The following CLEC1A variants were observed in gnomAD, a reference collection of about 807,000 sequenced individuals.
CLEC1A encodes C-type lectin-like receptor-1.
Under a neutral mutation model 28.7 loss-of-function variants are expected in CLEC1A, and 34 were observed. The observed-to-expected ratio is 1.18, with a 90% CI of 0.90 to 1.57. CLEC1A has a LOEUF of 1.57. Ranked by LOEUF, CLEC1A falls within the 40% of genes most tolerant of loss-of-function variation. The probability of loss-of-function intolerance (pLI) is 0.00; values close to 1 mark genes in which losing one functional copy is unlikely to be tolerated. For synonymous variants in CLEC1A, 116 were observed against 121.0 expected (o/e 0.96, Z 0.27); for missense variants, 385 against 339.5 (o/e 1.13, Z -1.05).
chr12:10,080,697 C>T (rs1866349411), intron 3 of CLEC1A, among the ~76,000 whole-genome samples: 1 of 152,212 alleles, frequency 6.6e-6, no homozygotes, highest in African/African-American at 2.4e-5. Flanking sequence ...TGCTCCTAGA[C>T]TTCTCCAGCA....
Position 10,098,855 on chromosome 12 carries a change from T to A in CLEC1A, c.68A>T (p.His23Leu). Reference protein sequence around the residue: ...DDDGDTTMSLHSQGSATTRHP... With the variant: ...DDDGDTTMSLLSQGSATTRHP... Reference sequence around the variant, plus strand: ...CCGAGTTGTGGCAGAGCCTTGAGAATGCAGGCTCATGGTGGTGTCCCCATC... The same window carrying A: ...CCGAGTTGTGGCAGAGCCTTGAGAAAGCAGGCTCATGGTGGTGTCCCCATC... Residue 23 changes from histidine (H) to leucine (L), a missense_variant, in exon 1 of 6, where the codon CAT becomes CTT. Transcript: ENST00000315330. The A allele has an allele frequency of 6.2e-7, 1 of 1,613,602 alleles. No individual in the cohort carries two copies. The highest frequency in any genetic ancestry group is 1.1e-5 in the South Asian group (1 of 90,918).
chr12:10,093,897 C>T (rs890067587), intron 1 of CLEC1A, among the ~76,000 whole-genome samples: 27 of 152,054 alleles, frequency 1.8e-4, no homozygotes, highest in Middle Eastern at 3.2e-3. Context: ...TCTGAGTTCA[C>T]GGGTTGAGTC....
At chr12:10,089,033 A>C (rs767037519) in intron 2 of CLEC1A, 91 bp downstream of exon 2, 11 of 971,048 alleles carry the variant, frequency 1.1e-5, no homozygotes, top group Non-Finnish European at 1.6e-5. Context: ...CTAAGGAATT[A>C]AAGTTTAAAA....
chr12:10,071,559 A>G, intron 5 of CLEC1A, 46 bp from the exon 6 acceptor site: 1 of 1,430,740 alleles, frequency 7.0e-7, no homozygotes, highest in Non-Finnish European at 9.5e-7. Context: ...TTTATTTCTA[A>G]AATAAAATAT....
chr12:10,092,737 T>C (rs1245707010), intron 1 of CLEC1A, among the ~76,000 whole-genome samples: 1 of 152,090 alleles, frequency 6.6e-6, no homozygotes, highest in Non-Finnish European at 1.5e-5. Context: ...AATAATTATA[T>C]TCATGAAAAG....
At chr12:10,081,192 C>T (rs2137344728) in intron 3 of CLEC1A, 45 bp downstream of exon 3, 2 of 1,458,592 alleles carry the variant, frequency 1.4e-6, no homozygotes, top group South Asian at 1.4e-5. Context: ...ATCCATCTCT[C>T]TGTTTCCAGA....
At chr12:10,073,236 A>G in intron 5 of CLEC1A, 57 bp downstream of exon 5, 1 of 1,312,300 alleles carries the variant, frequency 7.6e-7, no homozygotes. Context: ...GAGCTCTATC[A>G]CTCAAGCAAA....
At chr12:10,094,476 A>G (rs529802478) in intron 1 of CLEC1A, among the ~76,000 whole-genome samples, 1 of 152,160 alleles carries the variant, frequency 6.6e-6, no homozygotes, top group South Asian at 2.1e-4. Flanking sequence ...AGAGAGAGAG[A>G]AATAGTTATT....
In CLEC1A at chr12:10,079,369, AT is replaced by A. The variant is rs1487783740; in HGVS notation, c.391+1867del. Among the ~76,000 whole-genome samples the A allele has an allele frequency of 3.9e-5, 6 of 152,324 alleles. No individual in the cohort carries two copies. The East Asian group carries it at 1.2e-3, about 29-fold the overall frequency. On this transcript the variant is annotated intron_variant, in intron 3 of 5. Transcript: ENST00000315330. ...GACATCTAACCAAAAATATGTAAGA[AT>A]TTTTTATGAGAAGCAGCATTAATAT...
intron 1 of CLEC1A, among the ~76,000 whole-genome samples, chr12:10,091,860 A>G (rs1372038554): frequency 6.6e-6 from 1 of 152,130 alleles, no homozygotes; most frequent in Non-Finnish European, 1.5e-5. Context: ...AATATATTGT[A>G]TATCTTTGTT....
In CLEC1A at chr12:10,071,362, G is replaced by T; in HGVS notation, c.814C>A (p.Pro272Thr). Residue 272 changes from proline (P) to threonine (T), a missense_variant, in exon 6 of 6, where the codon CCC (proline) becomes ACC (threonine). By Grantham distance (38) the Pro-to-Thr change is conservative. Transcript: ENST00000315330. ...TCACCTTCGCCTAATGTTTCAGGGGGGACATGGAGGCTCTCTGGCTTCACC... is the reference window on the plus strand; with the variant it reads ...TCACCTTCGCCTAATGTTTCAGGGGTGACATGGAGGCTCTCTGGCTTCACC... ...GMVKPESLHV[P>T]PETLGEGD 6.2e-7 allele frequency: 1 copy of T among 1,613,656 alleles called. No homozygotes were observed. Among genetic ancestry groups the T allele is most frequent in the Non-Finnish European group, 8.5e-7 (1 of 1,179,774 alleles).
rs559450937 is a variant in CLEC1A at position 10,070,519 on chromosome 12, A to T, written c.*814T>A. 1.3e-5 allele frequency: 2 copies of T among 152,366 alleles called. No homozygotes were observed. Among genetic ancestry groups the T allele is most frequent in the South Asian group, 4.1e-4 (2 of 4,828 alleles). 9.4% of individuals were successfully genotyped at this position (152,366 alleles called of 1,614,324 possible). A position where few individuals can be genotyped will look rare whatever the true frequency, so the allele number is the denominator to read the frequency against. The stretch of plus-strand genomic sequence containing the variant: ...CATTTATTATTATTAAATCTTCAGT[A>T]CCTGAAAGGTATAAATATGGGTCAA... On this transcript the variant is annotated 3_prime_UTR_variant, in exon 6 of 6. Transcript: ENST00000315330.
chr12:10,073,114 C>T (rs1035793170), intron 5 of CLEC1A, among the ~76,000 whole-genome samples, 179 bp downstream of exon 5: 1 of 152,148 alleles, frequency 6.6e-6, no homozygotes, highest in East Asian at 1.9e-4. Flanking sequence ...CACACACACA[C>T]ACAAACAAAA....
At chr12:10,083,996 GA>G (rs1275392816) in intron 2 of CLEC1A, among the ~76,000 whole-genome samples, 8 of 71,642 alleles carry the variant, frequency 1.1e-4, no homozygotes, top group Non-Finnish European at 2.5e-4. Context: ...CAAAGACAAA[GA>G]TAATAGAAAA....
chr12:10,075,504 C>T lies in CLEC1A; in HGVS notation c.543G>A (p.Leu181=). The part of the protein sequence containing the change: ...TMLKINKQED[L]EFAASQSYSE... The stretch of plus-strand genomic sequence containing the variant: ...ACATTGAAAAGCCTCAGAATCTTAC[C>T]AGGTCTTCTTGTTTGTTTATCTTCA... The change falls in exon 4 of 6, where the codon CTG becomes CTA. Residue 181 remains leucine, a splice_region_variant and synonymous_variant. Coordinates refer to ENST00000315330, the MANE Select transcript of CLEC1A (RefSeq NM_016511.4). 4 of 1,613,496 alleles carry T rather than the reference C, an allele frequency of 2.5e-6. No homozygotes were observed. In the South Asian group the frequency reaches 4.4e-5, roughly 18 times the overall value.
chr12:10,085,770 G>A (rs1866480240), intron 2 of CLEC1A, among the ~76,000 whole-genome samples: 1 of 152,136 alleles, frequency 6.6e-6, no homozygotes, highest in African/African-American at 2.4e-5. Context: ...CTTGAAGACA[G>A]AAAGTCAACA....
chr12:10,094,903 T>C (rs952869225), intron 1 of CLEC1A, among the ~76,000 whole-genome samples: 4 of 152,164 alleles, frequency 2.6e-5, no homozygotes, highest in East Asian at 3.8e-4. Flanking sequence ...TTTTACTTCT[T>C]AGCCTCATGG....
At chr12:10,078,797 G>A (rs1050447973) in intron 3 of CLEC1A, among the ~76,000 whole-genome samples, 3 of 152,132 alleles carry the variant, frequency 2.0e-5, no homozygotes, top group Middle Eastern at 3.2e-3. Flanking sequence ...GAAGTGTCTC[G>A]GTCAGGGAAG....
At chr12:10,076,902 T>C (rs974913066) in intron 3 of CLEC1A, among the ~76,000 whole-genome samples, 3 of 152,166 alleles carry the variant, frequency 2.0e-5, no homozygotes, top group Non-Finnish European at 4.4e-5. Flanking sequence ...TTCATTCTGC[T>C]CTGGATTCAA....
Sources: allele counts gnomAD v4.1 joint callset (sites outside exome capture counted in the v4.1 genomes callset), GRCh38; gene constraint gnomAD v4.1.1; transcripts MANE v1.5; gene names NCBI Gene and HGNC (gene_info 2026-07-23, HGNC 2026-07-21).